The following ZC3H12B variants were observed in gnomAD, a reference collection of about 807,000 sequenced individuals.
ZC3H12B encodes the protein probable ribonuclease ZC3H12B.
A neutral mutation model predicts 43.9 loss-of-function variants in ZC3H12B; 7 were observed. That is an observed-to-expected ratio of 0.16 (90% CI 0.09 to 0.30). ZC3H12B has a LOEUF of 0.30. Among genes scored for constraint, ZC3H12B ranks in the 10% least tolerant of loss-of-function variants. The probability of loss-of-function intolerance (pLI) is 1.00; values close to 1 mark genes in which losing one functional copy is unlikely to be tolerated. For missense variants in ZC3H12B, 475 were observed against 670.2 expected, an observed-to-expected ratio of 0.71 and a Z score of 3.22; for synonymous variants, 222 against 241.7, an observed-to-expected ratio of 0.92 and a Z score of 0.76.
intron 3 of ZC3H12B, among the ~76,000 whole-genome samples, chrX:65,453,877 G>A (rs1004142361): frequency 8.9e-6 from 1 of 111,910 alleles, no homozygotes; most frequent in South Asian, 3.7e-4. Context: ...ACGATGCAAA[G>A]GCATAAGAAT....
chrX:65,347,469 A>G, the ZC3H12B span, among the ~76,000 whole-genome samples: 1 of 112,386 alleles, frequency 8.9e-6, no homozygotes, highest in Non-Finnish European at 1.9e-5. Flanking sequence ...TATGCAGGCA[A>G]CAGACACATG....
At chrX:65,401,718 C>T (rs781449223) in intron 3 of ZC3H12B, among the ~76,000 whole-genome samples, 1 of 111,725 alleles carries the variant, frequency 9.0e-6, no homozygotes, top group Admixed American at 9.5e-5. Flanking sequence ...GTGAGGAGGA[C>T]TTTGCCTTGC....
chrX:65,130,009 C>T, the ZC3H12B span, among the ~76,000 whole-genome samples: 1 of 111,434 alleles, frequency 9.0e-6, no homozygotes, highest in African/African-American at 3.3e-5. Context: ...AGGAGAGAAA[C>T]AGATATTAAA....
the ZC3H12B span, chrX:65,271,536 C>G: frequency 8.9e-6 from 1 of 112,340 alleles, no homozygotes; most frequent in African/African-American, 3.2e-5. Flanking sequence ...GAAAGTCTCT[C>G]AGGCATTCTG....
the ZC3H12B span, among the ~76,000 whole-genome samples, chrX:65,216,722 A>AAG: frequency 8.9e-6 from 1 of 111,758 alleles, no homozygotes; most frequent in Admixed American, 9.5e-5. Flanking sequence ...AAGGAGAAGG[A>AAG]AGAGATCAGA....
the ZC3H12B span, among the ~76,000 whole-genome samples, chrX:65,349,764 A>T: frequency 1.8e-5 from 2 of 112,152 alleles, no homozygotes; most frequent in Non-Finnish European, 3.8e-5. Flanking sequence ...GAAGAAATGG[A>T]AAAATTCCTA....
chrX:65,195,306 A>G, the ZC3H12B span, among the ~76,000 whole-genome samples: 1 of 110,228 alleles, frequency 9.1e-6, no homozygotes, highest in Non-Finnish European at 1.9e-5. Context: ...TTAATTTCTT[A>G]CTTTTTACAT....
At chrX:65,167,593 G>C in the ZC3H12B span, among the ~76,000 whole-genome samples, 1 of 111,723 alleles carries the variant, frequency 9.0e-6, no homozygotes, top group Non-Finnish European at 1.9e-5. Flanking sequence ...GTCATTGGTA[G>C]CTTTATGGGG....
exon 5 of ZC3H12B, chrX:65,504,426 T>A (rs2068406334): frequency 8.9e-6 from 1 of 112,575 alleles, no homozygotes; most frequent in Non-Finnish European, 1.9e-5. Context: ...CTTTGCACAT[T>A]TTACCTGCCA....
chrX:65,409,256 T>C (rs2148063633), intron 3 of ZC3H12B, among the ~76,000 whole-genome samples: 1 of 110,891 alleles, frequency 9.0e-6, no homozygotes, highest in East Asian at 2.8e-4. Context: ...GTGCAATGAC[T>C]TATATAAATG....
At chrX:65,276,833 C>G in the ZC3H12B span, among the ~76,000 whole-genome samples, 3 of 111,428 alleles carry the variant, frequency 2.7e-5, no homozygotes, top group Non-Finnish European at 3.8e-5. Flanking sequence ...GAGTAAAGAG[C>G]AAAAGGTGAG....
the ZC3H12B span, among the ~76,000 whole-genome samples, chrX:65,057,854 C>G: frequency 8.9e-6 from 1 of 111,791 alleles, no homozygotes; most frequent in Non-Finnish European, 1.9e-5. Context: ...CACTGATACC[C>G]TTTCTTCCAG....
At chrX:65,202,158 T>TTTCTATAAC in the ZC3H12B span, among the ~76,000 whole-genome samples, 1 of 96,338 alleles carries the variant, frequency 1.0e-5, no homozygotes, top group African/African-American at 3.7e-5. Context: ...AAATATATAT[T>TTTCTATAAC]ATATATAATA....
chrX:65,457,540 C>T lies in ZC3H12B; in HGVS notation n.408-31106C>T, dbSNP rs1409073816. Among the ~76,000 whole-genome samples, 17 of 88,042 alleles carry T rather than the reference C, an allele frequency of 1.9e-4. 1 individual carries two copies. The East Asian group carries it at 2.6e-3, about 13-fold the overall frequency. The allele number at this position is 88,042 out of a possible 115,157, so 76.5% of individuals were successfully genotyped here. On this transcript the variant is annotated intron_variant and non_coding_transcript_variant, in intron 3 of 5. Transcript: ENST00000617377. ...CTGGGAAGTGGGGAGCCCCTCTGCC[C>T]GGCCACGACCCCGTCTGGGAGGTGT...
the ZC3H12B span, among the ~76,000 whole-genome samples, chrX:65,302,912 A>T: frequency 1.8e-5 from 2 of 112,210 alleles, no homozygotes; most frequent in Non-Finnish European, 3.8e-5. Context: ...TGATTCAAAT[A>T]ACATTTTAAA....
At chrX:65,223,874 A>C in the ZC3H12B span, among the ~76,000 whole-genome samples, 2 of 112,368 alleles carry the variant, frequency 1.8e-5, no homozygotes, top group Non-Finnish European at 3.8e-5. Context: ...TCATACAACC[A>C]CTATGGAAAA....
the ZC3H12B span, among the ~76,000 whole-genome samples, chrX:65,056,677 G>A: frequency 6.8e-4 from 76 of 111,377 alleles, no homozygotes; most frequent in Non-Finnish European, 1.3e-3. Flanking sequence ...TCTGTCTCAT[G>A]TTGACAGTGG....
chrX:65,450,125 C>T (rs779062466), intron 3 of ZC3H12B, among the ~76,000 whole-genome samples: 4 of 107,286 alleles, frequency 3.7e-5, no homozygotes, highest in Admixed American at 1.0e-4. Context: ...GCCAAGATGG[C>T]GAAACCCTGT....
At chrX:65,286,990 C>A in the ZC3H12B span, among the ~76,000 whole-genome samples, 1 of 110,759 alleles carries the variant, frequency 9.0e-6, no homozygotes, top group Non-Finnish European at 1.9e-5. Context: ...GAGGATATAA[C>A]AATTATAAAT....
Sources: allele counts gnomAD v4.1 joint callset (sites outside exome capture counted in the v4.1 genomes callset), GRCh38; gene constraint gnomAD v4.1.1; transcripts MANE v1.5; gene names NCBI Gene and HGNC (gene_info 2026-07-23, HGNC 2026-07-21).